Variants in AUNIP observed in about 807,000 individuals in gnomAD.
The protein encoded by AUNIP is aurora kinase A- and ninein-interacting protein.
A neutral mutation model predicts 12.2 loss-of-function variants in AUNIP; 16 were observed. The observed-to-expected ratio is 1.31, with a 90% CI of 0.88 to 1.99. The LOEUF is 1.99. Ranked by LOEUF, AUNIP falls within the 30% of genes most tolerant of loss-of-function variation. AUNIP has a pLI of 0.00. For missense variants in AUNIP, 411 were observed against 419.1 expected (o/e 0.98, Z 0.17); for synonymous variants, 142 against 154.8 (o/e 0.92, Z 0.61).
At chr1:25,856,438 G>A (rs1222988272) in intron 1 of AUNIP, among the ~76,000 whole-genome samples, 1 of 151,090 alleles carries the variant, frequency 6.6e-6, no homozygotes, top group Non-Finnish European at 1.5e-5. Flanking sequence ...AATCCCAGGA[G>A]GCCGAGGCAG....
intron 1 of AUNIP, among the ~76,000 whole-genome samples, chr1:25,853,320 G>A (rs1173384623): frequency 1.3e-5 from 2 of 152,120 alleles, no homozygotes; most frequent in African/African-American, 2.4e-5. Flanking sequence ...ACATTCGGCC[G>A]GCGTGGTGGC....
At chr1:25,832,951 G>C (rs1220306965), downstream of AUNIP, 1 of 152,212 alleles carries the variant, frequency 6.6e-6, no homozygotes, top group Non-Finnish European at 1.5e-5. Flanking sequence ...CATTTGCTGT[G>C]TCCATCTCTT....
rs187318982 is a variant in AUNIP, at chr1:25,852,547, C to T, written c.78+6733G>A. 8.8e-5 allele frequency among the ~76,000 whole-genome samples: 13 copies of T among 148,140 alleles called. No individual in the cohort carries two copies. In the South Asian group the frequency reaches 1.1e-3, roughly 12 times the overall value. The stretch of plus-strand genomic sequence containing the variant: ...CTCCGCCTCCTGGGTTCAAGCAGTT[C>T]TCCTGCCTCAGCCTCCTGAGTAGCT... On this transcript the variant is annotated intron_variant, in intron 1 of 2. Transcript: ENST00000374298.
In AUNIP at chr1:25,834,416, C is replaced by G; in HGVS notation, c.*577G>C. ...GGATCAGGAGGTCAGGAGATGGAGA[C>G]CATCCTGGCTAATATGGTGAAACCT... is the stretch of plus-strand genomic sequence containing the variant. On this transcript the variant is annotated 3_prime_UTR_variant, in exon 3 of 3. Coordinates refer to ENST00000374298, the MANE Select transcript of AUNIP (RefSeq NM_024037.3). 1 of 882,934 alleles carries G rather than the reference C, an allele frequency of 1.1e-6. No homozygotes were observed. Among genetic ancestry groups the G allele is most frequent in the Non-Finnish European group, 1.4e-6 (1 of 736,880 alleles). 54.7% of individuals were successfully genotyped at this position (882,934 alleles called of 1,614,324 possible). A position where few individuals can be genotyped will look rare whatever the true frequency, so the allele number is the denominator to read the frequency against.
At chr1:25,851,019 C>T (rs937974685) in intron 1 of AUNIP, among the ~76,000 whole-genome samples, 1 of 152,142 alleles carries the variant, frequency 6.6e-6, no homozygotes, top group Non-Finnish European at 1.5e-5. Flanking sequence ...ACTGGGTTTT[C>T]ATAGATGCCC....
At position 25,835,329 on chromosome 1, in the gene AUNIP, G is replaced by A; in HGVS notation, c.738C>T (p.Leu246=). The A allele has an allele frequency of 6.2e-7, 1 of 1,614,204 alleles. No individual in the cohort carries two copies. The highest frequency in any genetic ancestry group is 8.5e-7 in the Non-Finnish European group (1 of 1,180,046). The change falls in exon 3 of 3, where the codon CTC becomes CTT. Residue 246 remains leucine (L), a synonymous_variant. Coordinates refer to ENST00000374298, the MANE Select transcript of AUNIP (RefSeq NM_024037.3). ...SAKENRQAPV[L]LQTYRESWNG... is the part of the protein sequence containing the mutation. Reference sequence around the variant, plus strand: ...TCCAGGATTCCCTGTATGTTTGAAGGAGGACAGGGGCCTGCCTGTTTTCTT... The same window carrying A: ...TCCAGGATTCCCTGTATGTTTGAAGAAGGACAGGGGCCTGCCTGTTTTCTT...
intron 1 of AUNIP, among the ~76,000 whole-genome samples, chr1:25,846,342 T>C: frequency 7.3e-6 from 1 of 137,896 alleles, no homozygotes; most frequent in African/African-American, 2.8e-5. Flanking sequence ...TCACTTGAAC[T>C]CAGGAGGTGG....
At chr1:25,832,176 G>T (rs1187453998), downstream of AUNIP, 2 of 1,544,636 alleles carry the variant, frequency 1.3e-6, no homozygotes, top group Admixed American at 3.9e-5. Context: ...AGAAGAGCTG[G>T]ATTATATATT....
At chr1:25,836,379 G>C (rs765784223) in intron 2 of AUNIP, among the ~76,000 whole-genome samples, 4 of 152,168 alleles carry the variant, frequency 2.6e-5, no homozygotes, top group Non-Finnish European at 5.9e-5. Flanking sequence ...CCACTCCCCA[G>C]GCATTTCATT....
At chr1:25,837,634 T>A (rs2048313823) in intron 1 of AUNIP, 80 bp from the exon 2 acceptor site, 1 of 1,436,430 alleles carries the variant, frequency 7.0e-7, no homozygotes, top group South Asian at 1.3e-5. Flanking sequence ...ACACCAGTGA[T>A]CCTCTGAGAA....
rs550061077 is a variant in AUNIP, at chr1:25,859,450, G to C, written c.-93C>G. 5.8e-6 allele frequency: 7 copies of C among 1,204,768 alleles called. No homozygotes were observed. Among genetic ancestry groups the C allele is most frequent in the South Asian group, 1.7e-5 (1 of 60,188 alleles). The allele number at this position is 1,204,768 out of a possible 1,614,324, so 74.6% of individuals were successfully genotyped here. ...CCGCGGCCGCCGACGTTCGGATCTC[G>C]CGCCAACGCTGGGGGCGGGGCTACG... On this transcript the variant is annotated 5_prime_UTR_variant, in exon 1 of 3. Transcript: ENST00000374298.
At chr1:25,841,804 G>A (rs568980346) in intron 1 of AUNIP, among the ~76,000 whole-genome samples, 2 of 152,242 alleles carry the variant, frequency 1.3e-5, no homozygotes, top group African/African-American at 2.4e-5. Flanking sequence ...GATTACAGGC[G>A]TGAGCCACTG....
At chr1:25,836,339 T>G (rs2048302403) in intron 2 of AUNIP, among the ~76,000 whole-genome samples, 1 of 152,212 alleles carries the variant, frequency 6.6e-6, no homozygotes, top group South Asian at 2.1e-4. Context: ...TGAGAAACCT[T>G]CTGGTGACAG....
intron 1 of AUNIP, among the ~76,000 whole-genome samples, chr1:25,850,180 T>G (rs1305175038): frequency 6.6e-6 from 1 of 151,876 alleles, no homozygotes; most frequent in Non-Finnish European, 1.5e-5. Context: ...AGCACTCCAG[T>G]CTGGGTAACA....
chr1:25,835,840 G>C lies in AUNIP; in HGVS notation c.227C>G (p.Thr76Arg), dbSNP rs1391600392. The part of the protein sequence containing the change: ...ASFFTLQPGK[T>R]NGSDQKSVSS... ...AACACTCTTCTGGTCACTGCCATTT[G>C]TCTTTCCTAATAAAACAGGAATGAA... The change falls in exon 3 of 3, where the codon ACA becomes AGA. Residue 76 changes from threonine (T) to arginine (R), a missense_variant. Physicochemically the swap from Thr to Arg is moderately conservative, Grantham distance 71. Transcript: ENST00000374298. 2.5e-6 allele frequency: 4 copies of C among 1,612,154 alleles called. No individual in the cohort carries two copies. The highest frequency in any genetic ancestry group is 3.4e-6 in the Non-Finnish European group (4 of 1,178,492).
intron 1 of AUNIP, among the ~76,000 whole-genome samples, chr1:25,839,475 A>C (rs181819448): frequency 3.2e-4 from 48 of 152,316 alleles, no homozygotes; most frequent in African/African-American, 1.2e-3. Context: ...CGTTCCCACT[A>C]TCTGGATAGG....
At chr1:25,850,058 G>GACATACGTTTTCCTATCTCTCGGGGGT in intron 1 of AUNIP, among the ~76,000 whole-genome samples, 1 of 152,064 alleles carries the variant, frequency 6.6e-6, no homozygotes, top group East Asian at 1.9e-4. Flanking sequence ...TTTTTGTGCA[G>GACATACGTTTTCCTATCTCTCGGGGGT]ACATACGTTT....
At chr1:25,832,369 T>C, downstream of AUNIP, 1 of 581,480 alleles carries the variant, frequency 1.7e-6, no homozygotes, top group Non-Finnish European at 3.0e-6. Context: ...TTAGACCCTA[T>C]AGCTGGTCTC....
chr1:25,851,967 G>A (rs2048426511), intron 1 of AUNIP, among the ~76,000 whole-genome samples: 1 of 151,724 alleles, frequency 6.6e-6, no homozygotes, highest in African/African-American at 2.4e-5. Context: ...CTGACTGACT[G>A]ATTGAGACAG....
Sources: gnomAD v4.1 joint callset for allele counts (sites outside exome capture counted in the v4.1 genomes callset) on GRCh38, gnomAD v4.1.1 for gene constraint, MANE v1.5 for transcripts, NCBI Gene and HGNC (gene_info 2026-07-23, HGNC 2026-07-21) for gene names.